GPNMB: variants seen among roughly 807,000 people sequenced by gnomAD.
The protein encoded by GPNMB is glycoprotein nmb, also known as transmembrane glycoprotein NMB.
Under a neutral mutation model 57.3 loss-of-function variants are expected in GPNMB, and 71 were observed. The ratio of observed to expected loss-of-function variants is 1.24; its 90% CI spans 1.02 to 1.51. GPNMB has a LOEUF of 1.51. Among genes scored for constraint, GPNMB ranks in the 40% most tolerant of loss-of-function variants. The pLI, the probability that GPNMB is intolerant of heterozygous loss-of-function variation, is 0.00. For synonymous variants in GPNMB, 253 were observed against 263.2 expected, an observed-to-expected ratio of 0.96 and a Z score of 0.38; for missense variants, 677 against 691.9, an observed-to-expected ratio of 0.98 and a Z score of 0.24.
intron 9 of GPNMB, among the ~76,000 whole-genome samples, chr7:23,271,982 G>A (rs1026227464): frequency 1.8e-4 from 28 of 152,272 alleles, no homozygotes; most frequent in African/African-American, 6.5e-4. Flanking sequence ...CAAAACCAAC[G>A]ATGCAAGGGT....
chr7:23,254,030 G>T (rs1652908416), intron 2 of GPNMB, 139 bp from the exon 3 acceptor site: 2 of 557,452 alleles, frequency 3.6e-6, no homozygotes, highest in Non-Finnish European at 2.9e-6. Flanking sequence ...GCTAAAGTGA[G>T]GAATACAAAA....
At chr7:23,250,387 C>T (rs922103796) in intron 1 of GPNMB, among the ~76,000 whole-genome samples, 19 of 152,188 alleles carry the variant, frequency 1.2e-4, no homozygotes, top group African/African-American at 4.3e-4. Context: ...TTTACAGCAC[C>T]ATATGTTGAA....
chr7:23,262,697 C>T (rs1782956826), intron 6 of GPNMB, among the ~76,000 whole-genome samples: 1 of 135,776 alleles, frequency 7.4e-6, no homozygotes, highest in Non-Finnish European at 1.5e-5. Context: ...TGGCTCACTG[C>T]AACCTCCACC....
chr7:23,266,550 GGATTCCT>G lies in GPNMB; in HGVS notation c.1056_1062del (p.Ile352MetfsTer19). 6.2e-7 allele frequency: 1 copy of G among 1,613,672 alleles called. No homozygotes were observed. Among genetic ancestry groups the G allele is most frequent in the Non-Finnish European group, 8.5e-7 (1 of 1,179,630 alleles). On this transcript the variant is annotated frameshift_variant, in exon 7 of 11. Coordinates refer to ENST00000258733, the MANE Select transcript of GPNMB (RefSeq NM_002510.3). LOFTEE classifies it high-confidence loss of function. ...GGTGACAACCCCCTGGAGCTGAGTA[GGATTCCT>G]GATGAAAACTGCCAGATTAACAGAT...
intron 1 of GPNMB, among the ~76,000 whole-genome samples, chr7:23,251,670 C>G (rs1471153195): frequency 6.6e-6 from 1 of 152,256 alleles, no homozygotes; most frequent in South Asian, 2.1e-4. Flanking sequence ...CATTACACTA[C>G]CATCTCCAAA....
chr7:23,274,329 T>G lies in GPNMB; in HGVS notation c.*105T>G. ...CTAAAGATTATTGTTAAATAGATAT[T>G]GTGGTTTGGGGAAGTTGAATTTTTT... On this transcript the variant is annotated 3_prime_UTR_variant, in exon 11 of 11. Coordinates refer to ENST00000258733, the MANE Select transcript of GPNMB (RefSeq NM_002510.3). 1.1e-6 allele frequency: 1 copy of G among 887,720 alleles called. No homozygotes were observed. Among genetic ancestry groups the G allele is most frequent in the East Asian group, 2.5e-5 (1 of 40,378 alleles). The allele number at this position is 887,720 out of a possible 1,614,324, so 55.0% of individuals were successfully genotyped here.
intron 4 of GPNMB, among the ~76,000 whole-genome samples, chr7:23,259,217 C>T (rs917392787): frequency 6.6e-5 from 10 of 152,112 alleles, no homozygotes; most frequent in Non-Finnish European, 1.5e-4. Context: ...GACAGAGTCT[C>T]GCTCTGTCAC....
At chr7:23,257,096 T>C (rs1477049054) in intron 4 of GPNMB, 31 bp downstream of exon 4, 3 of 1,577,096 alleles carry the variant, frequency 1.9e-6, no homozygotes, top group Non-Finnish European at 2.6e-6. Flanking sequence ...AAGCTTCTTC[T>C]TTACCTTTCC....
At chr7:23,252,472 A>G (rs1411324040) in intron 1 of GPNMB, among the ~76,000 whole-genome samples, 2 of 152,264 alleles carry the variant, frequency 1.3e-5, no homozygotes, top group Non-Finnish European at 2.9e-5. Flanking sequence ...AAGCATTCAT[A>G]TCAAAGTATT....
chr7:23,263,110 G>T (rs746058062), intron 6 of GPNMB, among the ~76,000 whole-genome samples: 11 of 152,066 alleles, frequency 7.2e-5, no homozygotes, highest in Non-Finnish European at 1.6e-4. Flanking sequence ...ATAAATTACA[G>T]ATGCTTTTAA....
intron 4 of GPNMB, 107 bp from the exon 5 acceptor site, chr7:23,259,873 C>T: frequency 3.0e-6 from 3 of 984,112 alleles, no homozygotes; most frequent in Non-Finnish European, 4.6e-6. Context: ...ATCCTATTTT[C>T]CCTCCTCAGA....
At position 23,269,570 on chromosome 7, in the gene GPNMB, C is replaced by T. The variant is rs180911143; in HGVS notation, c.1221-397C>T. Among the ~76,000 whole-genome samples, 301 of 152,340 alleles carry T rather than the reference C, an allele frequency of 2.0e-3. 2 individuals carry two copies. Among genetic ancestry groups the T allele is most frequent in the African/African-American group, 7.1e-3 (294 of 41,592 alleles). On this transcript the variant is annotated intron_variant, in intron 8 of 10. Coordinates refer to ENST00000258733, the MANE Select transcript of GPNMB (RefSeq NM_002510.3). Reference sequence around the variant, plus strand: ...GTTGCTGTTACACTTCTACAGGAACCTAGGCAGGGCCAACTATGGCATCTA... The same window carrying T: ...GTTGCTGTTACACTTCTACAGGAACTTAGGCAGGGCCAACTATGGCATCTA...
At chr7:23,266,322 T>G (rs1263505670) in intron 6 of GPNMB, 195 bp from the exon 7 acceptor site, 1 of 578,368 alleles carries the variant, frequency 1.7e-6, no homozygotes, top group Non-Finnish European at 3.0e-6. Context: ...ATTTAGCAAT[T>G]ATAATACCTT....
At chr7:23,273,921 T>A in intron 10 of GPNMB, 144 bp from the exon 11 acceptor site, 3 of 628,110 alleles carry the variant, frequency 4.8e-6, no homozygotes, top group Non-Finnish European at 8.2e-6. Flanking sequence ...TAAATGTACT[T>A]TCATAAGACA....
intron 4 of GPNMB, 93 bp from the exon 5 acceptor site, chr7:23,259,887 A>T (rs1432271961): frequency 8.5e-7 from 1 of 1,179,592 alleles, no homozygotes; most frequent in African/African-American, 1.5e-5. Context: ...CCTCAGAGCA[A>T]TCTATAAATG....
intron 9 of GPNMB, among the ~76,000 whole-genome samples, chr7:23,271,632 C>T (rs1428235325): frequency 2.6e-5 from 4 of 151,996 alleles, no homozygotes; most frequent in Non-Finnish European, 4.4e-5. Flanking sequence ...CCCATCTCTA[C>T]TAAAAATACA....
At chr7:23,266,311 A>T (rs1255738952) in intron 6 of GPNMB, 2 of 559,456 alleles carry the variant, frequency 3.6e-6, no homozygotes, top group Non-Finnish European at 6.3e-6. Context: ...TTCCTTACAT[A>T]ATTTAGCAAT....
intron 8 of GPNMB, 139 bp from the exon 9 acceptor site, chr7:23,269,828 C>T (rs190138496): frequency 2.7e-4 from 184 of 679,328 alleles, no homozygotes; most frequent in Non-Finnish European, 4.4e-4. Flanking sequence ...AACAATTCAG[C>T]ATCTTATAGT....
intron 6 of GPNMB, among the ~76,000 whole-genome samples, chr7:23,263,775 C>T (rs112182715): frequency 9.9e-5 from 15 of 152,118 alleles, no homozygotes; most frequent in East Asian, 7.7e-4. Context: ...CGAGGAGGGA[C>T]GTTTCTAAAA....
Sources: allele counts gnomAD v4.1 joint callset (sites outside exome capture counted in the v4.1 genomes callset), GRCh38; gene constraint gnomAD v4.1.1; transcripts MANE v1.5; gene names NCBI Gene and HGNC (gene_info 2026-07-23, HGNC 2026-07-21).